REPS2: variants seen among roughly 807,000 people sequenced by gnomAD.
REPS2 encodes ralBP1-associated Eps domain-containing protein 2.
In REPS2, 23 loss-of-function variants were observed where a neutral mutation model predicts 53.6. The observed-to-expected ratio is 0.43, with a 90% CI of 0.31 to 0.61. The LOEUF is 0.61. Ranked by LOEUF, REPS2 falls within the 20% of genes least tolerant of loss-of-function variation. The pLI is 0.11. For missense variants in REPS2, 446 were observed against 534.9 expected (o/e 0.83, Z 1.64); for synonymous variants, 238 against 218.6 (o/e 1.09, Z -0.78).
At chrX:17,099,690 C>T (rs2062759077) in intron 13 of REPS2, 2 of 456,050 alleles carry the variant, frequency 4.4e-6, no homozygotes, top group Non-Finnish European at 3.9e-6. Context: ...CTCAAGCTAC[C>T]TCTATGGTGT....
intron 1 of REPS2, among the ~76,000 whole-genome samples, chrX:16,965,545 C>T (rs2060748818): frequency 9.1e-6 from 1 of 110,293 alleles, no homozygotes; most frequent in Non-Finnish European, 1.9e-5. Flanking sequence ...CCTCACTTCT[C>T]AGACGGGGCG....
rs780991158 is a variant in REPS2, at chrX:16,956,232, A to G, written c.273+9098A>G. Among the ~76,000 whole-genome samples the G allele has an allele frequency of 4.0e-5, 4 of 100,398 alleles. No homozygotes were observed. The East Asian group carries it at 1.3e-3, about 32-fold the overall frequency. The allele number at this position is 100,398 out of a possible 115,157, so 87.2% of individuals were successfully genotyped here. On this transcript the variant is annotated intron_variant, in intron 1 of 17. Transcript: ENST00000357277. ...TTTTTTACTAACTGCCCTTCCCCCA[A>G]CTGAAATTGAGCACTTCCTTCTATT...
At chrX:17,085,158 C>G (rs1255570875) in intron 13 of REPS2, among the ~76,000 whole-genome samples, 1 of 112,116 alleles carries the variant, frequency 8.9e-6, no homozygotes, top group African/African-American at 3.2e-5. Flanking sequence ...ATTTTCTTGG[C>G]ACCTTTGTTG....
At chrX:17,162,368 A>C in the REPS2 span, among the ~76,000 whole-genome samples, 1 of 112,711 alleles carries the variant, frequency 8.9e-6, no homozygotes, top group Non-Finnish European at 1.9e-5. Context: ...TAACTAAAAA[A>C]CATAAATGGA....
chrX:17,114,759 A>T (rs980755943), intron 14 of REPS2, among the ~76,000 whole-genome samples: 18 of 112,305 alleles, frequency 1.6e-4, no homozygotes, highest in African/African-American at 5.8e-4. Context: ...AAGTATTATC[A>T]TCTAGTCATT....
chrX:17,088,673 C>G (rs1239564666), intron 13 of REPS2, among the ~76,000 whole-genome samples: 1 of 105,150 alleles, frequency 9.5e-6, no homozygotes, highest in Non-Finnish European at 1.9e-5. Flanking sequence ...ACTGCAAGCT[C>G]TGCAGGTTCA....
intron 1 of REPS2, among the ~76,000 whole-genome samples, chrX:16,951,553 A>AC (rs2060511019): frequency 7.3e-5 from 2 of 27,476 alleles, no homozygotes; most frequent in Non-Finnish European, 2.0e-4. Flanking sequence ...ACACACACAC[A>AC]CACACACCCC....
chrX:17,027,671 T>G (rs2061662838), intron 4 of REPS2, among the ~76,000 whole-genome samples: 1 of 103,196 alleles, frequency 9.7e-6, no homozygotes, highest in South Asian at 4.5e-4. Flanking sequence ...TTTTTTTTTT[T>G]TTTTTTTTTT....
Position 17,135,727 on chromosome X carries a change from A to T in REPS2, c.1808+321A>T, listed in dbSNP as rs376178879. 210 of 212,717 alleles carry T rather than the reference A, an allele frequency of 9.9e-4. 3 individuals carry two copies. In the South Asian group the frequency reaches 0.047, roughly 48 times the overall value. 17.5% of individuals were successfully genotyped at this position (212,717 alleles called of 1,213,427 possible). A position where few individuals can be genotyped will look rare whatever the true frequency, so the allele number is the denominator to read the frequency against. On this transcript the variant is annotated intron_variant, in intron 16 of 17. Transcript: ENST00000357277. ...GGGCCCAAATTTTCCTGGCAAGATGAAAGTATTGTAAGTGGCAATTTTGCC... is the reference window on the plus strand; with the variant it reads ...GGGCCCAAATTTTCCTGGCAAGATGTAAGTATTGTAAGTGGCAATTTTGCC...
chrX:17,151,782 T>C lies in REPS2; in HGVS notation c.*4301T>C, dbSNP rs2063571130. The C allele has an allele frequency of 8.9e-6, 1 of 112,233 alleles. No homozygotes were observed. The highest frequency in any genetic ancestry group is 1.9e-5 in the Non-Finnish European group (1 of 53,232). 9.2% of individuals were successfully genotyped at this position (112,233 alleles called of 1,213,427 possible). A position where few individuals can be genotyped will look rare whatever the true frequency, so the allele number is the denominator to read the frequency against. On this transcript the variant is annotated 3_prime_UTR_variant, in exon 18 of 18. Coordinates refer to ENST00000357277, the MANE Select transcript of REPS2 (RefSeq NM_004726.3). ...CACTAGTAATTCTGGTTTTTCTTTCTAACTGCTTTACTGTTTCAAGGGTAT... is the reference window on the plus strand; with the variant it reads ...CACTAGTAATTCTGGTTTTTCTTTCCAACTGCTTTACTGTTTCAAGGGTAT...
At chrX:16,975,588 A>G (rs1453315745) in intron 1 of REPS2, among the ~76,000 whole-genome samples, 2 of 111,620 alleles carry the variant, frequency 1.8e-5, no homozygotes, top group African/African-American at 6.5e-5. Context: ...TTCTCAGGCA[A>G]TGCATCAGGA....
intron 1 of REPS2, among the ~76,000 whole-genome samples, chrX:16,993,638 G>A (rs1004291556): frequency 1.8e-5 from 2 of 112,195 alleles, no homozygotes; most frequent in African/African-American, 3.2e-5. Flanking sequence ...TGCCTGGCTC[G>A]GATCAGTATA....
intron 1 of REPS2, among the ~76,000 whole-genome samples, chrX:16,991,237 C>T (rs761986849): frequency 4.5e-5 from 5 of 111,475 alleles, no homozygotes; most frequent in African/African-American, 9.8e-5. Context: ...AGACACTAGA[C>T]TCGTTTTTCC....
At chrX:17,094,146 A>G (rs1020359589) in intron 13 of REPS2, among the ~76,000 whole-genome samples, 7 of 111,988 alleles carry the variant, frequency 6.3e-5, no homozygotes, top group African/African-American at 2.3e-4. Flanking sequence ...GAAAGGGTGC[A>G]TGGAGCTCAA....
chrX:17,036,773 T>C (rs1602750311), intron 5 of REPS2, among the ~76,000 whole-genome samples: 1 of 111,383 alleles, frequency 9.0e-6, no homozygotes, highest in South Asian at 3.8e-4. Context: ...GACAGCTAAA[T>C]TATGTTCCTT....
chrX:16,965,389 C>T (rs866079384), intron 1 of REPS2, among the ~76,000 whole-genome samples: 378 of 112,036 alleles, frequency 3.4e-3, no homozygotes, highest in African/African-American at 0.012. Context: ...CCCTCCCGGA[C>T]GAGGTGGCTG....
chrX:17,020,028 G>A (rs2147840077), intron 2 of REPS2, among the ~76,000 whole-genome samples: 1 of 111,883 alleles, frequency 8.9e-6, no homozygotes, highest in Non-Finnish European at 1.9e-5. Flanking sequence ...GAGAACTTCA[G>A]CTGTATTTTG....
chrX:17,122,620 T>G (rs1426022832), intron 14 of REPS2, among the ~76,000 whole-genome samples: 2 of 112,291 alleles, frequency 1.8e-5, no homozygotes, highest in African/African-American at 6.5e-5. Context: ...CAAACAGTTT[T>G]ACGAAGTGTT....
intron 9 of REPS2, among the ~76,000 whole-genome samples, chrX:17,065,730 G>A (rs1332551422): frequency 9.0e-6 from 1 of 111,316 alleles, no homozygotes; most frequent in East Asian, 2.8e-4. Context: ...GGGACTACAG[G>A]TGCGTGCCAC....
Sources: allele counts gnomAD v4.1 joint callset (sites outside exome capture counted in the v4.1 genomes callset), GRCh38; gene constraint gnomAD v4.1.1; transcripts MANE v1.5; gene names NCBI Gene and HGNC (gene_info 2026-07-23, HGNC 2026-07-21).